The following KLRD1 variants were observed in gnomAD, a reference collection of about 807,000 sequenced individuals.
KLRD1 encodes the protein natural killer cells antigen CD94.
KLRD1 carries 21 observed loss-of-function variants against 22.6 expected under a neutral mutation model. That is an observed-to-expected ratio of 0.93 (90% CI 0.66 to 1.34). The LOEUF is 1.34. KLRD1 is among the 40% of genes most tolerant of loss of function. The probability of loss-of-function intolerance (pLI) is 0.00; values close to 1 mark genes in which losing one functional copy is unlikely to be tolerated. For missense variants in KLRD1, 183 were observed against 208.6 expected (o/e 0.88, Z 0.76); for synonymous variants, 59 against 71.1 (o/e 0.83, Z 0.85).
chr12:10,298,871 C>T (rs963394885), intron 1 of KLRD1, among the ~76,000 whole-genome samples: 1 of 152,208 alleles, frequency 6.6e-6, no homozygotes, highest in African/African-American at 2.4e-5. Flanking sequence ...AGGCTCTCAG[C>T]TCTGAAGGCT....
intron 3 of KLRD1, 78 bp from the exon 4 acceptor site, chr12:10,311,386 A>C: frequency 7.2e-7 from 1 of 1,380,298 alleles, no homozygotes; most frequent in Non-Finnish European, 1.0e-6. Flanking sequence ...ACAGCAAATA[A>C]TTTTTGAATA....
upstream of KLRD1, among the ~76,000 whole-genome samples, chr12:10,306,165 AAAAC>A (rs1216255000): frequency 1.6e-4 from 24 of 151,960 alleles, no homozygotes; most frequent in Admixed American, 3.3e-4. Context: ...TCCATCTCAA[AAAAC>A]AAACAAACAA....
chr12:10,308,915 G>A (rs1236323421), intron 1 of KLRD1: 1 of 154,558 alleles, frequency 6.5e-6, no homozygotes, highest in African/African-American at 2.4e-5. Context: ...TTTCTGACTT[G>A]GATACTTACT....
rs1162893809 is a variant in KLRD1, at chr12:10,317,590, C to CT, written c.*2798dup. On this transcript the variant is annotated 3_prime_UTR_variant, in exon 6 of 6. Transcript: ENST00000336164. ...TCAGCTTTTCTTCTGCTGATGCTGC[C>CT]TGTTGCCTCCCTGGAAACATATTTT... is the stretch of plus-strand genomic sequence containing the variant. 6.6e-6 allele frequency: 1 copy of CT among 152,204 alleles called. No individual in the cohort carries two copies. Among genetic ancestry groups the CT allele is most frequent in the Non-Finnish European group, 1.5e-5 (1 of 68,046 alleles). 9.4% of individuals were successfully genotyped at this position (152,204 alleles called of 1,614,324 possible).
Position 10,326,396 on chromosome 12 carries a change from G to A in KLRD1, c.*11603G>A, listed in dbSNP as rs1950362154. On this transcript the variant is annotated 3_prime_UTR_variant, in exon 6 of 6. Transcript: ENST00000336164. ...CAGCCTCACCTCAGGAGGTCCTGCT[G>A]ACATGTGCCCAAGGTGGTCAGGGCA... 1 of 152,192 alleles carries A rather than the reference G, an allele frequency of 6.6e-6. No homozygotes were observed. The highest frequency in any genetic ancestry group is 1.5e-5 in the Non-Finnish European group (1 of 68,042). The allele number at this position is 152,192 out of a possible 1,614,324, so 9.4% of individuals were successfully genotyped here.
At chr12:10,256,991 G>GT (rs931439630) in intron 1 of KLRD1, among the ~76,000 whole-genome samples, 6 of 138,842 alleles carry the variant, frequency 4.3e-5, no homozygotes, top group Admixed American at 7.8e-5. Flanking sequence ...TTGATTGACA[G>GT]TTTTTTTTAA....
At chr12:10,299,348 C>A (rs73053387) in intron 1 of KLRD1, among the ~76,000 whole-genome samples, 4,792 of 152,116 alleles carry the variant, frequency 0.032, 164 homozygotes, top group East Asian at 0.15. Flanking sequence ...AGAAAACTAG[C>A]TACAATATCC....
At chr12:10,273,000 A>T (rs1328764739) in intron 1 of KLRD1, among the ~76,000 whole-genome samples, 1 of 152,164 alleles carries the variant, frequency 6.6e-6, no homozygotes, top group Non-Finnish European at 1.5e-5. Context: ...TTGTGATTGT[A>T]AATATTTATG....
In KLRD1 at chr12:10,308,077, CATGGCAGGT is replaced by C; in HGVS notation, c.4_7+5del. 6.2e-7 allele frequency: 1 copy of C among 1,612,176 alleles called. No individual in the cohort carries two copies. Among genetic ancestry groups the C allele is most frequent in the East Asian group, 2.2e-5 (1 of 44,834 alleles). ...ACTTCGCTCTTGGAACATAATTTCT[CATGGCAGGT>C]ATGTGTGATTTCAGTCACTAAATTA... On this transcript the variant is annotated splice_donor_variant and coding_sequence_variant, in exon 1 of 6. Coordinates refer to ENST00000336164, the MANE Select transcript of KLRD1 (RefSeq NM_002262.5). LOFTEE classifies it high-confidence loss of function.
rs897728909 is a variant in KLRD1 at position 10,322,502 on chromosome 12, A to T, written c.*7709A>T. 6.6e-6 allele frequency: 1 copy of T among 152,084 alleles called. No individual in the cohort carries two copies. Among genetic ancestry groups the T allele is most frequent in the African/African-American group, 2.4e-5 (1 of 41,406 alleles). 9.4% of individuals were successfully genotyped at this position (152,084 alleles called of 1,614,324 possible). On this transcript the variant is annotated 3_prime_UTR_variant, in exon 6 of 6. Coordinates refer to ENST00000336164, the MANE Select transcript of KLRD1 (RefSeq NM_002262.5). Reference sequence around the variant, plus strand: ...TTTTAGTTCTCAATTATGTTGTATAACCCATGAGTGTCACTTTATTCTCAT... The same window carrying T: ...TTTTAGTTCTCAATTATGTTGTATATCCCATGAGTGTCACTTTATTCTCAT...
At chr12:10,241,649 A>G (rs935238166) in intron 1 of KLRD1, among the ~76,000 whole-genome samples, 7 of 152,168 alleles carry the variant, frequency 4.6e-5, no homozygotes, top group African/African-American at 1.7e-4. Flanking sequence ...CTATAAGAAA[A>G]GGGAGGCCAG....
intron 1 of KLRD1, among the ~76,000 whole-genome samples, chr12:10,243,764 G>C (rs1949264983): frequency 6.6e-6 from 1 of 152,032 alleles, no homozygotes. Flanking sequence ...GCAAATAAAG[G>C]TGTTATAATG....
At chr12:10,252,464 A>C (rs1037134048) in intron 1 of KLRD1, among the ~76,000 whole-genome samples, 2 of 152,124 alleles carry the variant, frequency 1.3e-5, no homozygotes, top group African/African-American at 2.4e-5. Flanking sequence ...TGATTGCGCT[A>C]CTGTACTCCA....
intron 1 of KLRD1, among the ~76,000 whole-genome samples, chr12:10,243,607 CAA>C (rs34864670): frequency 8.3e-4 from 24 of 28,806 alleles, no homozygotes; most frequent in African/African-American, 4.3e-3. Flanking sequence ...AGTGAGACTC[CAA>C]AAAAAAAAAA....
chr12:10,298,014 T>G (rs1949836948), intron 1 of KLRD1, among the ~76,000 whole-genome samples: 1 of 152,250 alleles, frequency 6.6e-6, no homozygotes, highest in Non-Finnish European at 1.5e-5. Context: ...ATCATGTGTC[T>G]AATATTGTGC....
chr12:10,278,790 T>A (rs1388990142), intron 1 of KLRD1, among the ~76,000 whole-genome samples: 1 of 152,110 alleles, frequency 6.6e-6, no homozygotes, highest in African/African-American at 2.4e-5. Context: ...TGGCTGTTTT[T>A]GTTTTGTTTT....
At chr12:10,270,733 A>G (rs1449287456) in intron 1 of KLRD1, among the ~76,000 whole-genome samples, 1 of 152,130 alleles carries the variant, frequency 6.6e-6, no homozygotes, top group Non-Finnish European at 1.5e-5. Flanking sequence ...CAAAGGCTAC[A>G]AAAGAGCACT....
intron 1 of KLRD1, among the ~76,000 whole-genome samples, chr12:10,288,603 A>C (rs1949733958): frequency 6.6e-6 from 1 of 152,166 alleles, no homozygotes; most frequent in African/African-American, 2.4e-5. Context: ...AAGAACTATT[A>C]CTATCAATAT....
chr12:10,312,290 G>C (rs1008852512), intron 4 of KLRD1, among the ~76,000 whole-genome samples: 12 of 151,994 alleles, frequency 7.9e-5, no homozygotes, highest in African/African-American at 2.9e-4. Context: ...GACCTCGGGT[G>C]ATCTACCCTC....
Sources: allele counts gnomAD v4.1 joint callset (sites outside exome capture counted in the v4.1 genomes callset), GRCh38; gene constraint gnomAD v4.1.1; transcripts MANE v1.5; gene names NCBI Gene and HGNC (gene_info 2026-07-23, HGNC 2026-07-21).